The following OTOP1 variants were observed in gnomAD, a reference collection of about 807,000 sequenced individuals.
The protein encoded by OTOP1 is proton channel OTOP1.
Under a neutral mutation model 52.9 loss-of-function variants are expected in OTOP1, and 59 were observed. That is an observed-to-expected ratio of 1.12 (90% CI 0.91 to 1.39). The LOEUF (loss-of-function observed/expected upper bound fraction) is 1.39. OTOP1 is among the 40% of genes most tolerant of loss of function. The pLI, the probability that OTOP1 is intolerant of heterozygous loss-of-function variation, is 0.00. For synonymous variants in OTOP1, 317 were observed against 337.7 expected (o/e 0.94, Z 0.67); for missense variants, 761 against 800.9 (o/e 0.95, Z 0.60).
chr4:4,196,040 A>T (rs1389914576), intron 5 of OTOP1, among the ~76,000 whole-genome samples: 1 of 152,220 alleles, frequency 6.6e-6, no homozygotes, highest in East Asian at 1.9e-4. Context: ...TTGTACTTAC[A>T]GTATTTTTAT....
intron 4 of OTOP1, 42 bp from the exon 5 acceptor site, chr4:4,198,145 G>C: frequency 6.6e-7 from 1 of 1,520,494 alleles, no homozygotes; most frequent in Non-Finnish European, 9.1e-7. Context: ...CGATTAGCAG[G>C]TGCAAGGGGG....
chr4:4,224,219 C>A (rs564995158), intron 1 of OTOP1, among the ~76,000 whole-genome samples: 1 of 151,884 alleles, frequency 6.6e-6, no homozygotes, highest in South Asian at 2.1e-4. Flanking sequence ...TAGTTGCAGG[C>A]GCCTATAATC....
At chr4:4,212,780 G>T in intron 2 of OTOP1, 88 bp downstream of exon 2, 2 of 1,455,830 alleles carry the variant, frequency 1.4e-6, no homozygotes, top group Non-Finnish European at 1.9e-6. Flanking sequence ...GTCTCCACCT[G>T]CCACACGTCT....
intron 5 of OTOP1, among the ~76,000 whole-genome samples, chr4:4,194,843 C>T (rs749745949): frequency 2.6e-5 from 4 of 152,168 alleles, no homozygotes; most frequent in Non-Finnish European, 4.4e-5. Context: ...CCCTCCTCAC[C>T]AACCCCCACC....
Position 4,226,728 on chromosome 4 carries a change from C to T in OTOP1, c.137G>A (p.Arg46Gln). 1 of 1,401,550 alleles carries T rather than the reference C, an allele frequency of 7.1e-7. No homozygotes were observed. The highest frequency in any genetic ancestry group is 9.3e-7 in the Non-Finnish European group (1 of 1,075,282). The allele number at this position is 1,401,550 out of a possible 1,614,324, so 86.8% of individuals were successfully genotyped here. ...PRSPESPAPRRGGVRASVPQK... is the reference protein window; with the variant it reads ...PRSPESPAPRQGGVRASVPQK... ...TGGGACGCTGGCGCGCACACCGCCCCGCCGGGGGGCCGGGGATTCCGGGGA... is the reference window on the plus strand; with the variant it reads ...TGGGACGCTGGCGCGCACACCGCCCTGCCGGGGGGCCGGGGATTCCGGGGA... The change falls in exon 1 of 6, where the codon CGG becomes CAG. Residue 46 changes from arginine (R) to glutamine (Q), a missense_variant. Around this residue, in one of 3 missense-constraint regions of OTOP1, gnomAD observed 73 missense variants for 75.7 expected, o/e 0.96. Transcript: ENST00000296358.
chr4:4,217,182 C>T (rs570055738), intron 1 of OTOP1, among the ~76,000 whole-genome samples: 70 of 152,290 alleles, frequency 4.6e-4, no homozygotes, highest in East Asian at 5.8e-4. Flanking sequence ...TTCATTCACC[C>T]GGTTATTTAT....
intron 5 of OTOP1, among the ~76,000 whole-genome samples, chr4:4,190,718 T>C (rs756752995): frequency 3.0e-4 from 45 of 152,168 alleles, no homozygotes; most frequent in Non-Finnish European, 6.5e-4. Flanking sequence ...GTGCATTTGG[T>C]ATCCACCACG....
intron 1 of OTOP1, among the ~76,000 whole-genome samples, chr4:4,219,483 G>C (rs922777522): frequency 9.2e-5 from 14 of 151,704 alleles, no homozygotes; most frequent in African/African-American, 2.4e-4. Context: ...GGGCGGATCA[G>C]GATGTCGGGA....
At chr4:4,194,577 AC>A (rs1302814675) in intron 5 of OTOP1, among the ~76,000 whole-genome samples, 1 of 152,178 alleles carries the variant, frequency 6.6e-6, no homozygotes, top group Non-Finnish European at 1.5e-5. Flanking sequence ...TTCAGAAGGG[AC>A]CTTCCCAACT....
intron 2 of OTOP1, among the ~76,000 whole-genome samples, chr4:4,206,721 G>C (rs1012834615): frequency 4.6e-5 from 7 of 152,124 alleles, no homozygotes; most frequent in African/African-American, 1.7e-4. Context: ...TCACTGAATA[G>C]CCCATGGCCT....
In OTOP1 at chr4:4,201,696, G is replaced by A. The variant is rs145573565; in HGVS notation, c.730+752C>T. On this transcript the variant is annotated intron_variant, in intron 4 of 5. Transcript: ENST00000296358. ...CACAGACTTGCTGCATGTTAAAGCC[G>A]GAAGGGATCTTTGCAAGTGCATGAT... 5.9e-5 allele frequency among the ~76,000 whole-genome samples: 9 copies of A among 152,190 alleles called. No individual in the cohort carries two copies. In the East Asian group the frequency reaches 7.7e-4, roughly 13 times the overall value.
At position 4,219,984 on chromosome 4, in the gene OTOP1, C is replaced by T. The variant is rs1365149339; in HGVS notation, c.403+6478G>A. On this transcript the variant is annotated intron_variant, in intron 1 of 5. Coordinates refer to ENST00000296358, the MANE Select transcript of OTOP1 (RefSeq NM_177998.3). ...ATGTATACATATATACACATATATA[C>T]GTATATAGGTGTATATACATATATA... Among the ~76,000 whole-genome samples, 79 of 118,400 alleles carry T rather than the reference C, an allele frequency of 6.7e-4. 1 individual carries two copies. The highest frequency in any genetic ancestry group is 2.6e-3 in the African/African-American group (76 of 29,164). 77.7% of individuals were successfully genotyped at this position (118,400 alleles called of 152,430 possible).
In OTOP1 at chr4:4,220,103, ATATT is replaced by A. The variant is rs1216237049; in HGVS notation, c.403+6355_403+6358del. ...TACATATATATATATATATATATAT[ATATT>A]TTTTTTTTTTTTGAGATGGAGTTTC... On this transcript the variant is annotated intron_variant, in intron 1 of 5. Transcript: ENST00000296358. Among the ~76,000 whole-genome samples the A allele has an allele frequency of 5.5e-3, 293 of 53,592 alleles. 4 individuals carry two copies. Among genetic ancestry groups the A allele is most frequent in the African/African-American group, 0.014 (243 of 17,880 alleles). 35.2% of individuals were successfully genotyped at this position (53,592 alleles called of 152,430 possible). A position where few individuals can be genotyped will look rare whatever the true frequency, so the allele number is the denominator to read the frequency against.
chr4:4,210,812 C>G (rs1420997918), intron 2 of OTOP1, among the ~76,000 whole-genome samples: 1 of 152,062 alleles, frequency 6.6e-6, no homozygotes, highest in Non-Finnish European at 1.5e-5. Context: ...GCCTGGGCGA[C>G]AAGCAAAATT....
At position 4,200,197 on chromosome 4, in the gene OTOP1, T is replaced by TA. The variant is rs554282522; in HGVS notation, c.731-2095dup. Among the ~76,000 whole-genome samples, 200 of 152,262 alleles carry TA rather than the reference T, an allele frequency of 1.3e-3. 3 individuals carry two copies. The South Asian group carries it at 0.039, about 29-fold the overall frequency. ...GTTTATGATATGTATATATTACTTA[T>TA]AAAATCTGAGAAAAGCAGCTGGGCG... On this transcript the variant is annotated intron_variant, in intron 4 of 5. Transcript: ENST00000296358.
At chr4:4,204,749 T>TGC (rs1553852677) in intron 3 of OTOP1, among the ~76,000 whole-genome samples, 6 of 149,496 alleles carry the variant, frequency 4.0e-5, no homozygotes, top group East Asian at 4.0e-4. Context: ...TGTGTGTGTG[T>TGC]GCGTGTGCAT....
chr4:4,218,891 T>A (rs2980151), intron 1 of OTOP1, among the ~76,000 whole-genome samples: 73,978 of 151,534 alleles, frequency 0.49, 19,905 homozygotes, highest in Non-Finnish European at 0.62. Flanking sequence ...ATCATGCCAC[T>A]GCACTCCAGC....
intron 1 of OTOP1, among the ~76,000 whole-genome samples, chr4:4,225,876 C>T (rs373086918): frequency 5.9e-5 from 9 of 151,992 alleles, no homozygotes; most frequent in African/African-American, 2.2e-4. Flanking sequence ...CCTGCAAAGC[C>T]GGGAGGAGAA....
At chr4:4,189,257 G>A (rs900115550) in intron 5 of OTOP1, among the ~76,000 whole-genome samples, 3 of 152,124 alleles carry the variant, frequency 2.0e-5, no homozygotes, top group African/African-American at 4.8e-5. Flanking sequence ...TACAGCCCTC[G>A]CCCAGCCTCG....
Sources: gnomAD v4.1 joint callset for allele counts (sites outside exome capture counted in the v4.1 genomes callset) on GRCh38, gnomAD v4.1.1 for gene constraint, gnomAD v4.1.1 regional missense constraint, MANE v1.5 for transcripts, NCBI Gene and HGNC (gene_info 2026-07-23, HGNC 2026-07-21) for gene names.